ZNF350: variants seen among roughly 807,000 people sequenced by gnomAD.
ZNF350 encodes KRAB zinc finger protein ZFQR.
ZNF350 carries 5 observed loss-of-function variants against 13.1 expected under a neutral mutation model. The ratio of observed to expected loss-of-function variants is 0.38; its 90% CI spans 0.20 to 0.80. ZNF350 has a LOEUF of 0.80. Among genes scored for constraint, ZNF350 ranks in the 30% least tolerant of loss-of-function variants. The pLI is 0.43. For missense variants in ZNF350, 534 were observed against 644.2 expected (o/e 0.83, Z 1.85); for synonymous variants, 199 against 224.2 (o/e 0.89, Z 1.00).
chr19:51,967,780 TAATA>T (rs2085620946), intron 4 of ZNF350, among the ~76,000 whole-genome samples: 2 of 152,242 alleles, frequency 1.3e-5, no homozygotes, highest in South Asian at 4.1e-4. Context: ...TTCAGGCAGG[TAATA>T]CCCAGATGGC....
rs2086069930 is a variant in ZNF350 at position 51,982,596 on chromosome 19, A to C, written c.-172+4174T>G. 3.3e-5 allele frequency among the ~76,000 whole-genome samples: 5 copies of C among 152,360 alleles called. No individual in the cohort carries two copies. The Middle Eastern group carries it at 0.01, about 311-fold the overall frequency. ...GGCTGGAAAACAAAGCATTTTAAAAATGTCAAGTCTCCCAAATCTACAGAT... is the reference window on the plus strand; with the variant it reads ...GGCTGGAAAACAAAGCATTTTAAAACTGTCAAGTCTCCCAAATCTACAGAT... On this transcript the variant is annotated intron_variant, in intron 1 of 4. Coordinates refer to ENST00000243644, the MANE Select transcript of ZNF350 (RefSeq NM_021632.4).
At position 51,965,901 on chromosome 19, in the gene ZNF350, G is replaced by T; in HGVS notation, c.552C>A (p.Leu184=). ...TGATGAATTGGGACTTAGTGCTGAT[G>T]AGTTTTTGACTTGCAGGGAATTTAA... ...TAIKFPASQK[L]ISTKSQFISP... The change falls in exon 5 of 5, where the codon CTC becomes CTA. Residue 184 remains leucine, a synonymous_variant. Coordinates refer to ENST00000243644, the MANE Select transcript of ZNF350 (RefSeq NM_021632.4). The T allele has an allele frequency of 6.2e-7, 1 of 1,614,060 alleles. No individual in the cohort carries two copies. Among genetic ancestry groups the T allele is most frequent in the South Asian group, 1.1e-5 (1 of 91,076 alleles).
Position 51,964,935 on chromosome 19 carries a change from G to A in ZNF350, c.1518C>T (p.Asp506=), listed in dbSNP as rs759397835. The change falls in exon 5 of 5, where the codon GAC becomes GAT. Residue 506 remains aspartate (D), a synonymous_variant. Coordinates refer to ENST00000243644, the MANE Select transcript of ZNF350 (RefSeq NM_021632.4). ...ASGDNRGFAQ[D]RNLVNAVNVV... is the part of the protein sequence containing the mutation. The stretch of plus-strand genomic sequence containing the variant: ...CATTCACTGCATTCACAAGGTTTCT[G>A]TCCTGTGCAAATCCTCTGTTATCTC... 7.4e-6 allele frequency: 12 copies of A among 1,614,150 alleles called. No individual in the cohort carries two copies. The South Asian group carries it at 8.8e-5, about 12-fold the overall frequency.
At chr19:51,986,199 A>T (rs1394071882) in intron 1 of ZNF350, among the ~76,000 whole-genome samples, 1 of 152,046 alleles carries the variant, frequency 6.6e-6, no homozygotes, top group Non-Finnish European at 1.5e-5. Context: ...AAGGATCAGA[A>T]GAGTAGATAT....
chr19:51,984,894 G>A (rs1035985484), intron 1 of ZNF350, among the ~76,000 whole-genome samples: 3 of 152,092 alleles, frequency 2.0e-5, no homozygotes, highest in African/African-American at 4.8e-5. Context: ...CACCAATAAT[G>A]AGCAAAAGAA....
At chr19:51,967,893 G>A (rs1001192520) in intron 4 of ZNF350, among the ~76,000 whole-genome samples, 2 of 152,144 alleles carry the variant, frequency 1.3e-5, no homozygotes, top group Non-Finnish European at 2.9e-5. Context: ...GGAACTCAGG[G>A]GAGAGTTGCC....
rs2278414 is a variant in ZNF350, at chr19:51,964,569, G to A, written c.*285C>T. Reference sequence around the variant, plus strand: ...GCTTTTCAGTCACTGCAACACTCCCGACACCAATTATCTCATCTGTTTTAA... The same window carrying A: ...GCTTTTCAGTCACTGCAACACTCCCAACACCAATTATCTCATCTGTTTTAA... On this transcript the variant is annotated 3_prime_UTR_variant, in exon 5 of 5. Transcript: ENST00000243644. The A allele has an allele frequency of 0.13, 56,912 of 427,122 alleles. 4,474 individuals are homozygous for A. Among genetic ancestry groups the A allele is most frequent in the South Asian group, 0.23 (6,467 of 27,658 alleles). The allele number at this position is 427,122 out of a possible 1,614,324, so 26.5% of individuals were successfully genotyped here. A position where few individuals can be genotyped will look rare whatever the true frequency, so the allele number is the denominator to read the frequency against.
At position 51,965,187 on chromosome 19, in the gene ZNF350, T is replaced by A; in HGVS notation, c.1266A>T (p.Arg422Ser). ...AYMSCLVKHK[R>S]IHTREKQEAA... ...CCTCTTGTTTCTCCCTTGTGTGTATTCTCTTATGCTTAACCAGACACGACA... is the reference window on the plus strand; with the variant it reads ...CCTCTTGTTTCTCCCTTGTGTGTATACTCTTATGCTTAACCAGACACGACA... Residue 422 changes from arginine to serine, a missense_variant, in exon 5 of 5, where the codon AGA (arginine) becomes AGT (serine). Coordinates refer to ENST00000243644, the MANE Select transcript of ZNF350 (RefSeq NM_021632.4). 6.2e-7 allele frequency: 1 copy of A among 1,614,160 alleles called. No homozygotes were observed. Among genetic ancestry groups the A allele is most frequent in the South Asian group, 1.1e-5 (1 of 91,078 alleles).
chr19:51,982,573 C>CT (rs1315177062), intron 1 of ZNF350, among the ~76,000 whole-genome samples: 1 of 152,058 alleles, frequency 6.6e-6, no homozygotes, highest in Non-Finnish European at 1.5e-5. Context: ...TAAAGATGGG[C>CT]TGGAAAACAA....
chr19:51,966,212 T>A lies in ZNF350; in HGVS notation c.241A>T (p.Ile81Leu), dbSNP rs773174014. 8 of 1,556,566 alleles carry A rather than the reference T, an allele frequency of 5.1e-6. No homozygotes were observed. Among genetic ancestry groups the A allele is most frequent in the Non-Finnish European group, 6.1e-6 (7 of 1,156,222 alleles). ...DGIHSGACSD[I>L]WKVDHVLERL... ...TCCAGCACATGATCAACTTTCCATA[T>A]GTCTAGAAAGAAAAGAACAAAGATT... The change falls in exon 5 of 5, where the codon ATA becomes TTA. Residue 81 changes from isoleucine (I) to leucine (L), a missense_variant and splice_region_variant. Physicochemically the swap from Ile to Leu is conservative, Grantham distance 5. Transcript: ENST00000243644.
intron 4 of ZNF350, among the ~76,000 whole-genome samples, chr19:51,967,627 G>A (rs2085617542): frequency 6.6e-6 from 1 of 151,910 alleles, no homozygotes; most frequent in South Asian, 2.1e-4. Context: ...AATACGATGG[G>A]GAAAAAAACG....
At position 51,977,423 on chromosome 19, in the gene ZNF350, G is replaced by T. The variant is rs143261154; in HGVS notation, c.-171-2892C>A. On this transcript the variant is annotated intron_variant, in intron 1 of 4. Coordinates refer to ENST00000243644, the MANE Select transcript of ZNF350 (RefSeq NM_021632.4). Reference sequence around the variant, plus strand: ...TGGAATTTAAATTGGCAAGAAATGTGTGCAGACCAGGCTAAACAGAACCAT... The same window carrying T: ...TGGAATTTAAATTGGCAAGAAATGTTTGCAGACCAGGCTAAACAGAACCAT... 1.3e-3 allele frequency among the ~76,000 whole-genome samples: 198 copies of T among 152,328 alleles called. 8 individuals are homozygous for T. The East Asian group carries it at 0.036, about 28-fold the overall frequency.
chr19:51,964,905 A>T lies in ZNF350; in HGVS notation c.1548T>A (p.Val516=). 3.1e-6 allele frequency: 5 copies of T among 1,613,998 alleles called. No individual in the cohort carries two copies. Among genetic ancestry groups the T allele is most frequent in the Non-Finnish European group, 4.2e-6 (5 of 1,179,836 alleles). The change falls in exon 5 of 5, where the codon GTT becomes GTA. Residue 516 remains valine (V), a synonymous_variant. Coordinates refer to ENST00000243644, the MANE Select transcript of ZNF350 (RefSeq NM_021632.4). ...AGACATAATTGATCACGGAAGGCAC[A>T]ACCACATTCACTGCATTCACAAGGT... ...DRNLVNAVNV[V]VPSVINYVLF... is the part of the protein sequence containing the mutation.
intron 1 of ZNF350, 182 bp downstream of exon 1, chr19:51,986,588 A>AC (rs959073775): frequency 1.3e-5 from 2 of 152,766 alleles, no homozygotes; most frequent in African/African-American, 2.4e-5. Flanking sequence ...CGGACCACAG[A>AC]CAGGGGGATC....
At chr19:51,968,752 A>G in intron 3 of ZNF350, 79 bp from the exon 4 acceptor site, 2 of 1,501,036 alleles carry the variant, frequency 1.3e-6, no homozygotes, top group South Asian at 2.4e-5. Context: ...GTTACATTTC[A>G]AGAAACTTGA....
intron 3 of ZNF350, 35 bp from the exon 4 acceptor site, chr19:51,968,708 T>C (rs184518983): frequency 4.4e-6 from 7 of 1,595,888 alleles, no homozygotes; most frequent in East Asian, 4.5e-5. Context: ...CTTAGACATA[T>C]CAAATTGGGC....
intron 1 of ZNF350, among the ~76,000 whole-genome samples, chr19:51,980,673 T>A (rs556336339): frequency 6.6e-6 from 1 of 152,198 alleles, no homozygotes; most frequent in Non-Finnish European, 1.5e-5. Flanking sequence ...AAAGTGAGTA[T>A]CCGTGGGACC....
chr19:51,975,900 C>T (rs954489443), intron 1 of ZNF350, among the ~76,000 whole-genome samples: 5 of 152,194 alleles, frequency 3.3e-5, no homozygotes, highest in South Asian at 2.1e-4. Context: ...GCTCGTGGCC[C>T]GTGGGACGTG....
At chr19:51,966,244 A>T in intron 4 of ZNF350, 30 bp from the exon 5 acceptor site, 1 of 1,522,326 alleles carries the variant, frequency 6.6e-7, no homozygotes, top group Non-Finnish European at 8.8e-7. Context: ...GATTTCTATC[A>T]TTTAGATTTG....
Sources: gnomAD v4.1 joint callset for allele counts (sites outside exome capture counted in the v4.1 genomes callset) on GRCh38, gnomAD v4.1.1 for gene constraint, MANE v1.5 for transcripts, NCBI Gene and HGNC (gene_info 2026-07-23, HGNC 2026-07-21) for gene names.